The following UQCC1 variants were observed in gnomAD, a reference collection of about 807,000 sequenced individuals.
The protein encoded by UQCC1 is ubiquinol-cytochrome c reductase complex assembly factor 1.
Under a neutral mutation model 48.0 loss-of-function variants are expected in UQCC1, and 38 were observed. The ratio of observed to expected loss-of-function variants is 0.79; its 90% confidence interval spans 0.61 to 1.04. The LOEUF (loss-of-function observed/expected upper bound fraction) is 1.04, where lower values mean the gene tolerates loss of function less well. UQCC1 is among the 50% of genes least tolerant of loss of function. UQCC1 has a pLI of 0.00. For synonymous variants in UQCC1, 111 were observed against 129.2 expected (o/e 0.86, Z 0.95); for missense variants, 368 against 381.8 (o/e 0.96, Z 0.30).
intron 4 of UQCC1, among the ~76,000 whole-genome samples, chr20:35,376,347 T>TC (rs1158179236): frequency 1.1e-4 from 17 of 151,384 alleles, no homozygotes. Flanking sequence ...ATAAAACTGA[T>TC]CAAGGAAAAA....
At chr20:35,322,823 C>A (rs2061146012) in intron 7 of UQCC1, among the ~76,000 whole-genome samples, 2 of 152,128 alleles carry the variant, frequency 1.3e-5, no homozygotes, top group African/African-American at 4.8e-5. Flanking sequence ...GGACTTTTAA[C>A]TCAGATGGTC....
chr20:35,393,317 CTAAG>C (rs2062033569), intron 2 of UQCC1, among the ~76,000 whole-genome samples: 1 of 151,876 alleles, frequency 6.6e-6, no homozygotes, highest in Non-Finnish European at 1.5e-5. Context: ...ATATCAAAGG[CTAAG>C]TAAATAAAAT....
At position 35,304,106 on chromosome 20, in the gene UQCC1, G is replaced by A. The variant is rs762721427; in HGVS notation, c.766-37C>T. ...GGAGGGGGAAGGAGGAAGCGACAGA[G>A]GCAGGGCAGAGGTGAGGAGCCAGCG... is the stretch of plus-strand genomic sequence containing the variant. On this transcript the variant is annotated intron_variant, in intron 9 of 9. Coordinates refer to ENST00000374385, the MANE Select transcript of UQCC1 (RefSeq NM_018244.5). 3.7e-6 allele frequency: 6 copies of A among 1,613,246 alleles called. No homozygotes were observed. The Admixed American group carries it at 8.3e-5, about 22-fold the overall frequency.
At chr20:35,379,192 A>G (rs2061837729) in intron 4 of UQCC1, among the ~76,000 whole-genome samples, 1 of 152,248 alleles carries the variant, frequency 6.6e-6, no homozygotes, top group South Asian at 2.1e-4. Flanking sequence ...CAAATAGGTA[A>G]GGGAAAGCTA....
intron 7 of UQCC1, 164 bp downstream of exon 7, chr20:35,347,000 G>C: frequency 1.3e-6 from 2 of 1,554,896 alleles, no homozygotes; most frequent in Non-Finnish European, 1.7e-6. Flanking sequence ...TGGAGTATTA[G>C]TTTCCACAGA....
At chr20:35,356,735 G>C (rs981952115) in intron 6 of UQCC1, among the ~76,000 whole-genome samples, 1 of 152,048 alleles carries the variant, frequency 6.6e-6, no homozygotes, top group African/African-American at 2.4e-5. Flanking sequence ...TGTTGTTTTT[G>C]CCTCCTTTAA....
chr20:35,379,385 A>G (rs1176270505), intron 4 of UQCC1, among the ~76,000 whole-genome samples: 1 of 152,262 alleles, frequency 6.6e-6, no homozygotes, highest in Non-Finnish European at 1.5e-5. Flanking sequence ...ATACAAGTGC[A>G]TTGATTTGAG....
intron 2 of UQCC1, among the ~76,000 whole-genome samples, chr20:35,393,351 T>C (rs1015873890): frequency 6.6e-6 from 1 of 152,174 alleles, no homozygotes; most frequent in African/African-American, 2.4e-5. Context: ...TCATTAAATT[T>C]TTAATTACAA....
At chr20:35,343,655 T>C (rs1198222026) in intron 7 of UQCC1, among the ~76,000 whole-genome samples, 2 of 152,240 alleles carry the variant, frequency 1.3e-5, no homozygotes, top group Admixed American at 1.3e-4. Flanking sequence ...CCATCATCCT[T>C]TAGTTATAGT....
intron 7 of UQCC1, among the ~76,000 whole-genome samples, chr20:35,316,680 C>T (rs1344608868): frequency 6.6e-6 from 1 of 152,156 alleles, no homozygotes; most frequent in African/African-American, 2.4e-5. Flanking sequence ...GCTCTGTCAC[C>T]CAGGCTGGAG....
chr20:35,366,760 C>A, intron 5 of UQCC1, 146 bp from the exon 6 acceptor site: 2 of 612,730 alleles, frequency 3.3e-6, no homozygotes, highest in Non-Finnish European at 5.6e-6. Flanking sequence ...GGCGAGACCA[C>A]AGGATAAAAG....
intron 6 of UQCC1, among the ~76,000 whole-genome samples, chr20:35,347,889 A>G (rs1189328604): frequency 6.6e-6 from 1 of 152,242 alleles, no homozygotes. Context: ...CATACAATCT[A>G]TTAAAATTTG....
At chr20:35,350,160 C>T (rs1443961117) in intron 6 of UQCC1, among the ~76,000 whole-genome samples, 1 of 152,104 alleles carries the variant, frequency 6.6e-6, no homozygotes, top group Non-Finnish European at 1.5e-5. Flanking sequence ...CAGGGTCTTG[C>T]TCTGTCACCC....
chr20:35,345,856 C>A (rs1301548750), intron 7 of UQCC1: 1 of 152,080 alleles, frequency 6.6e-6, no homozygotes, highest in South Asian at 2.1e-4. Flanking sequence ...ATTTCATGAC[C>A]CAGTCATGGT....
chr20:35,353,768 G>T (rs1436137674), intron 6 of UQCC1, among the ~76,000 whole-genome samples: 1 of 151,944 alleles, frequency 6.6e-6, no homozygotes, highest in African/African-American at 2.4e-5. Flanking sequence ...TTCTGGCCTG[G>T]ATGACAGAGT....
At chr20:35,370,549 G>A (rs187536354) in intron 5 of UQCC1, among the ~76,000 whole-genome samples, 9 of 152,220 alleles carry the variant, frequency 5.9e-5, no homozygotes, top group Admixed American at 1.3e-4. Context: ...TGACAAAGAT[G>A]GGCCACAACA....
rs181354413 is a variant in UQCC1, at chr20:35,328,954, A to G, written c.574-14189T>C. Among the ~76,000 whole-genome samples the G allele has an allele frequency of 6.6e-5, 10 of 152,380 alleles. No individual in the cohort carries two copies. In the East Asian group the frequency reaches 1.9e-3, roughly 29 times the overall value. Reference sequence around the variant, plus strand: ...CCCTGTAAGATCACTTATCTCTGGTATATTATCTACCAACCACATTCAGGG... The same window carrying G: ...CCCTGTAAGATCACTTATCTCTGGTGTATTATCTACCAACCACATTCAGGG... On this transcript the variant is annotated intron_variant, in intron 7 of 9. Coordinates refer to ENST00000374385, the MANE Select transcript of UQCC1 (RefSeq NM_018244.5).
intron 5 of UQCC1, among the ~76,000 whole-genome samples, chr20:35,368,147 T>A (rs2061690061): frequency 6.6e-6 from 1 of 152,240 alleles, no homozygotes; most frequent in Non-Finnish European, 1.5e-5. Flanking sequence ...CGCTATCCTC[T>A]GCTTTTCAGC....
chr20:35,338,150 A>G (rs2146362760), intron 7 of UQCC1, among the ~76,000 whole-genome samples: 1 of 152,092 alleles, frequency 6.6e-6, no homozygotes, highest in East Asian at 1.9e-4. Context: ...AATTCAGAAC[A>G]TTGTCAGCAT....
Sources: allele counts gnomAD v4.1 joint callset (sites outside exome capture counted in the v4.1 genomes callset), GRCh38; gene constraint gnomAD v4.1.1; transcripts MANE v1.5; gene names NCBI Gene and HGNC (gene_info 2026-07-23, HGNC 2026-07-21).